Variants in USH2A observed in about 807,000 individuals in gnomAD.
USH2A encodes Usher syndrome 2A (autosomal recessive, mild).
In USH2A, 443 loss-of-function variants were observed where a neutral mutation model predicts 538.9. The observed-to-expected ratio is 0.82, with a 90% CI of 0.76 to 0.89. The LOEUF is 0.89. Ranked by LOEUF, USH2A falls within the 40% of genes least tolerant of loss-of-function variation. The pLI is 0.00. For synonymous variants in USH2A, 2,413 were observed against 2,273.5 expected, an observed-to-expected ratio of 1.06 and a Z score of -1.75; for missense variants, 6,633 against 6,324.8, an observed-to-expected ratio of 1.05 and a Z score of -1.65.
Position 215,996,204 on chromosome 1 carries a change from C to G in USH2A, c.6657+2683G>C, listed in dbSNP as rs567853440. On this transcript the variant is annotated intron_variant, in intron 34 of 71. Transcript: ENST00000307340. Reference sequence around the variant, plus strand: ...GAGACTACAGATGTAAGCCAGTGTGCCCGGACCAAAACTAGCATTCTCTTT... The same window carrying G: ...GAGACTACAGATGTAAGCCAGTGTGGCCGGACCAAAACTAGCATTCTCTTT... Among the ~76,000 whole-genome samples the G allele has an allele frequency of 3.7e-4, 56 of 152,226 alleles. No homozygotes were observed. The South Asian group carries it at 8.7e-3, about 24-fold the overall frequency.
intron 32 of USH2A, among the ~76,000 whole-genome samples, chr1:216,037,502 C>G (rs530336115): frequency 3.3e-5 from 5 of 152,022 alleles, no homozygotes; most frequent in African/African-American, 1.2e-4. Flanking sequence ...TTTGATTGTT[C>G]TTTGTTTTCA....
At chr1:216,032,486 T>C (rs1669150359) in intron 32 of USH2A, among the ~76,000 whole-genome samples, 1 of 152,166 alleles carries the variant, frequency 6.6e-6, no homozygotes, top group South Asian at 2.1e-4. Flanking sequence ...GGAAGAATTC[T>C]AAGAATGACT....
chr1:215,811,988 T>G (rs1662705749), intron 49 of USH2A, among the ~76,000 whole-genome samples: 1 of 135,468 alleles, frequency 7.4e-6, no homozygotes, highest in Admixed American at 7.3e-5. Context: ...AGGGTTTTTT[T>G]TTTTTTTTTT....
At chr1:215,960,836 A>T (rs764185913) in intron 37 of USH2A, among the ~76,000 whole-genome samples, 5 of 152,128 alleles carry the variant, frequency 3.3e-5, no homozygotes, top group Admixed American at 2.0e-4. Context: ...AGAAAGACCC[A>T]GTATTACCAA....
chr1:215,993,075 G>T lies in USH2A; in HGVS notation c.6750C>A (p.His2250Gln). ...CATTAAAGGAGTCAGGTGAATATGA[G>T]TGGGCTTTGGGGGCTGGCACGCCTT... ...IPEGVPAPKAHSYSPDSFNVS... is the reference protein window; with the variant it reads ...IPEGVPAPKAQSYSPDSFNVS... Residue 2250 changes from histidine to glutamine, a missense_variant, in exon 35 of 72, where the codon CAC (histidine) becomes CAA (glutamine). Transcript: ENST00000307340. 1 of 1,614,090 alleles carries T rather than the reference G, an allele frequency of 6.2e-7. No homozygotes were observed. Among genetic ancestry groups the T allele is most frequent in the Non-Finnish European group, 8.5e-7 (1 of 1,179,974 alleles).
chr1:216,302,194 T>C (rs2037229365), intron 9 of USH2A, among the ~76,000 whole-genome samples: 1 of 152,146 alleles, frequency 6.6e-6, no homozygotes, highest in Non-Finnish European at 1.5e-5. Context: ...AGACAGAAAA[T>C]GGCTCTGTGC....
chr1:216,253,688 C>T (rs1264637697), intron 11 of USH2A, among the ~76,000 whole-genome samples: 1 of 152,180 alleles, frequency 6.6e-6, no homozygotes, highest in Non-Finnish European at 1.5e-5. Flanking sequence ...CAGCACTGCC[C>T]TATGTCACCC....
Position 215,965,440 on chromosome 1 carries a change from C to G in USH2A, c.6997G>C (p.Val2333Leu). The change falls in exon 37 of 72, where the codon GTA becomes CTA. Residue 2333 changes from valine (V) to leucine (L), a missense_variant. By Grantham distance (32) the Val-to-Leu change is conservative (BLOSUM62 1). Transcript: ENST00000307340. ...CCCTGTGTTTTGACAAACACATTTA[C>G]TGTTCCTTCAGGAGGAGCTTCTAGA... ...RTLEAPPEGTVNVFVKTQGSR... is the reference protein window; with the variant it reads ...RTLEAPPEGTLNVFVKTQGSR... 6.2e-7 allele frequency: 1 copy of G among 1,613,736 alleles called. No homozygotes were observed.
chr1:216,341,462 C>T (rs1487402804), intron 4 of USH2A, among the ~76,000 whole-genome samples: 3 of 152,110 alleles, frequency 2.0e-5, no homozygotes, highest in African/African-American at 7.2e-5. Flanking sequence ...ATCAAACTAC[C>T]ATTGACTTTC....
rs1156705163 is a variant in USH2A at position 215,910,058 on chromosome 1, CAA to C, written c.7301-9155_7301-9154del. ...TCAGTCTATAGATAGCACTGAAAAC[CAA>C]AAGACTATGATTGAAATATTTACAA... On this transcript the variant is annotated intron_variant, in intron 38 of 71. Transcript: ENST00000307340. Among the ~76,000 whole-genome samples, 6 of 151,858 alleles carry C rather than the reference CAA, an allele frequency of 4.0e-5. No individual in the cohort carries two copies. In the East Asian group the frequency reaches 1.2e-3, roughly 29 times the overall value.
Position 216,215,755 on chromosome 1 carries a change from A to G in USH2A, c.3157+1632T>C, listed in dbSNP as rs375080610. Among the ~76,000 whole-genome samples, 21 of 152,288 alleles carry G rather than the reference A, an allele frequency of 1.4e-4. 1 individual carries two copies. Among genetic ancestry groups the G allele is most frequent in the Admixed American group, 4.6e-4 (7 of 15,274 alleles). ...ATAATTTTAAAGAGATAAAAAACCAAAAGGAATATGTCCAGGGAAGAATCA... is the reference window on the plus strand; with the variant it reads ...ATAATTTTAAAGAGATAAAAAACCAGAAGGAATATGTCCAGGGAAGAATCA... On this transcript the variant is annotated intron_variant, in intron 15 of 71. Transcript: ENST00000307340.
intron 4 of USH2A, among the ~76,000 whole-genome samples, chr1:216,356,643 G>A (rs1330699668): frequency 6.6e-6 from 1 of 152,006 alleles, no homozygotes; most frequent in East Asian, 1.9e-4. Flanking sequence ...CATAGAAAGA[G>A]ACATATTTCA....
chr1:215,801,966 G>T (rs1487912432), intron 49 of USH2A, among the ~76,000 whole-genome samples: 1 of 151,292 alleles, frequency 6.6e-6, no homozygotes, highest in African/African-American at 2.4e-5. Flanking sequence ...ATGAACCCTT[G>T]CATATATGGG....
At chr1:216,137,849 C>G (rs1290028586) in intron 21 of USH2A, among the ~76,000 whole-genome samples, 2 of 152,094 alleles carry the variant, frequency 1.3e-5, no homozygotes, top group Non-Finnish European at 2.9e-5. Context: ...CAGTATTAAA[C>G]ATCACAGTTT....
intron 11 of USH2A, among the ~76,000 whole-genome samples, chr1:216,254,489 G>A (rs376477449): frequency 3.3e-5 from 5 of 151,922 alleles, no homozygotes; most frequent in South Asian, 2.1e-4. Context: ...GGTTTTCTTC[G>A]GCCAAATACT....
chr1:216,250,611 T>C (rs1332175200), intron 12 of USH2A, among the ~76,000 whole-genome samples: 2 of 152,230 alleles, frequency 1.3e-5, no homozygotes, highest in African/African-American at 2.4e-5. Context: ...GAAACATCTA[T>C]GCAGTAAGCA....
intron 11 of USH2A, among the ~76,000 whole-genome samples, chr1:216,277,910 G>A (rs555087004): frequency 6.6e-6 from 1 of 152,090 alleles, no homozygotes; most frequent in Non-Finnish European, 1.5e-5. Flanking sequence ...ATCCAACAAG[G>A]AGGTAGGAAC....
chr1:216,046,189 A>G (rs2030512942), intron 32 of USH2A, among the ~76,000 whole-genome samples: 1 of 152,006 alleles, frequency 6.6e-6, no homozygotes. Flanking sequence ...TATGCTTTAA[A>G]TCATCTCTAG....
chr1:215,772,097 C>A (rs183859677), intron 55 of USH2A, among the ~76,000 whole-genome samples: 1 of 152,124 alleles, frequency 6.6e-6, no homozygotes, highest in Non-Finnish European at 1.5e-5. Context: ...CACATTTCAA[C>A]TGGAATTTGC....
Sources: allele counts gnomAD v4.1 joint callset (sites outside exome capture counted in the v4.1 genomes callset), GRCh38; gene constraint gnomAD v4.1.1; transcripts MANE v1.5; gene names NCBI Gene and HGNC (gene_info 2026-07-23, HGNC 2026-07-21).